Variants in FPR3 observed in about 807,000 individuals in gnomAD.
FPR3 encodes formyl peptide receptor 3.
For synonymous variants in FPR3, 135 were observed against 163.6 expected (o/e 0.83, Z 1.34); for missense variants, 346 against 443.2 (o/e 0.78, Z 1.97).
rs193291782 is a variant in FPR3 at position 51,813,824 on chromosome 19, G to A, written c.-10-9915G>A. Among the ~76,000 whole-genome samples, 225 of 152,216 alleles carry A rather than the reference G, an allele frequency of 1.5e-3. 1 individual carries two copies. Among genetic ancestry groups the A allele is most frequent in the Non-Finnish European group, 3.2e-4 (22 of 68,006 alleles). On this transcript the variant is annotated intron_variant, in intron 1 of 1. Coordinates refer to ENST00000339223, the MANE Select transcript of FPR3 (RefSeq NM_002030.5). ...GCTGGGATTACAGGCATAAGCCACC[G>A]CAGCTGGCCGATGTTTTCCTCCTTT...
At position 51,795,290 on chromosome 19, in the gene FPR3, G is replaced by A. The variant is rs2083989332; in HGVS notation, c.-52G>A. ...TACTTAGAGCCTGAGTTGCTCCACA[G>A]GAATCCAGGAACTGGGCACAGGAAA... On this transcript the variant is annotated 5_prime_UTR_variant, in exon 1 of 2. Transcript: ENST00000339223. 6.6e-6 allele frequency: 1 copy of A among 152,060 alleles called. No homozygotes were observed. Among genetic ancestry groups the A allele is most frequent in the African/African-American group, 2.4e-5 (1 of 41,402 alleles). The allele number at this position is 152,060 out of a possible 1,614,324, so 9.4% of individuals were successfully genotyped here. A position where few individuals can be genotyped will look rare whatever the true frequency, so the allele number is the denominator to read the frequency against.
At position 51,824,815 on chromosome 19, in the gene FPR3, G is replaced by T. The variant is rs201810419; in HGVS notation, c.*5G>T. The T allele has an allele frequency of 6.3e-7, 1 of 1,597,768 alleles. No homozygotes were observed. Among genetic ancestry groups the T allele is most frequent in the Non-Finnish European group, 8.5e-7 (1 of 1,171,072 alleles). On this transcript the variant is annotated 3_prime_UTR_variant, in exon 2 of 2. Coordinates refer to ENST00000339223, the MANE Select transcript of FPR3 (RefSeq NM_002030.5). This position sits in a 1 kb window ranked among gnomAD's most constrained non-coding sequence, Gnocchi z 4.7. ...ACGGAGTTACAAGCAATGTGAGGTC[G>T]GGGATATTTTTGGGCTCTGTCTCTT... is the stretch of plus-strand genomic sequence containing the variant.
chr19:51,809,229 C>T (rs958945239), intron 1 of FPR3, among the ~76,000 whole-genome samples: 1 of 152,192 alleles, frequency 6.6e-6, no homozygotes, highest in African/African-American at 2.4e-5. Context: ...CTGAAAAGTA[C>T]ATGACTGTCC....
intron 1 of FPR3, among the ~76,000 whole-genome samples, chr19:51,800,836 C>T (rs1463046753): frequency 6.6e-6 from 1 of 151,878 alleles, no homozygotes; most frequent in Non-Finnish European, 1.5e-5. Flanking sequence ...AGTAAACATC[C>T]AGAGAGTGAG....
chr19:51,808,151 G>A lies in FPR3; in HGVS notation c.-11+12820G>A, dbSNP rs111300199. On this transcript the variant is annotated intron_variant, in intron 1 of 1. Coordinates refer to ENST00000339223, the MANE Select transcript of FPR3 (RefSeq NM_002030.5). ...GCTGCAGGGAATTTAAAGAATCTCC[G>A]TGCAGGGTTTGGTAAATATGTGTAA... Among the ~76,000 whole-genome samples, 645 of 152,276 alleles carry A rather than the reference G, an allele frequency of 4.2e-3. 6 individuals are homozygous for A. The highest frequency in any genetic ancestry group is 0.014 in the African/African-American group (594 of 41,554).
intron 1 of FPR3, among the ~76,000 whole-genome samples, chr19:51,813,666 G>A (rs2084114164): frequency 6.6e-6 from 1 of 152,030 alleles, no homozygotes; most frequent in South Asian, 2.1e-4. Context: ...GAATATCTGG[G>A]ACTAGAGGTG....
chr19:51,823,191 A>C (rs2084203599), intron 1 of FPR3, among the ~76,000 whole-genome samples: 2 of 152,160 alleles, frequency 1.3e-5, no homozygotes, highest in Admixed American at 1.3e-4. Flanking sequence ...TCTATATATT[A>C]CAAGTAATGG....
chr19:51,823,792 T>A lies in FPR3; in HGVS notation c.44T>A (p.Val15Glu). ...ATTCCTCTGAATGAAACTGAGGAGG[T>A]GCTCCCTGAGCCTGCTGGCCACACC... ...FSIPLNETEE[V>E]LPEPAGHTVL... The change falls in exon 2 of 2, where the codon GTG becomes GAG. Residue 15 changes from valine (V) to glutamate (E), a missense_variant. Val to Glu is a moderately radical substitution (Grantham distance 121, BLOSUM62 -2). Transcript: ENST00000339223. 6.2e-7 allele frequency: 1 copy of A among 1,610,566 alleles called. No homozygotes were observed. The highest frequency in any genetic ancestry group is 2.2e-5 in the East Asian group (1 of 44,846).
intron 1 of FPR3, among the ~76,000 whole-genome samples, chr19:51,822,944 C>G (rs113174648): frequency 0.11 from 16,107 of 152,110 alleles, 1,181 homozygotes; most frequent in Middle Eastern, 0.17. Flanking sequence ...CTCACTGCAA[C>G]CTCTGCCTCC....
At chr19:51,803,855 T>C (rs1477363878) in intron 1 of FPR3, 1 of 152,196 alleles carries the variant, frequency 6.6e-6, no homozygotes, top group East Asian at 1.9e-4. Context: ...CTCCCTTTTT[T>C]CTTTTCCTCA....
At chr19:51,815,104 A>G (rs1383159887) in intron 1 of FPR3, among the ~76,000 whole-genome samples, 1 of 151,902 alleles carries the variant, frequency 6.6e-6, no homozygotes, top group Non-Finnish European at 1.5e-5. Flanking sequence ...GCCACCTTTT[A>G]TCACATCTCA....
intron 1 of FPR3, among the ~76,000 whole-genome samples, chr19:51,806,222 T>C (rs1021355681): frequency 8.5e-5 from 13 of 152,178 alleles, no homozygotes; most frequent in African/African-American, 3.1e-4. Flanking sequence ...GGGCCCATGG[T>C]TGGCCACCCC....
chr19:51,824,440 A>G lies in FPR3; in HGVS notation c.692A>G (p.Asn231Ser). Residue 231 changes from asparagine (N) to serine (S), a missense_variant, in exon 2 of 2, where the codon AAC becomes AGC. Asn to Ser is a conservative substitution (Grantham distance 46). Coordinates refer to ENST00000339223, the MANE Select transcript of FPR3 (RefSeq NM_002030.5). The surrounding 1 kb of genome is among the most constrained non-coding windows in gnomAD (Gnocchi z 4.7). ...YGIIAAKIHRNHMIKSSRPLR... is the reference protein window; with the variant it reads ...YGIIAAKIHRSHMIKSSRPLR... ...ATCATCGCTGCCAAAATTCACAGAAACCACATGATTAAATCCAGCCGTCCC... is the reference window on the plus strand; with the variant it reads ...ATCATCGCTGCCAAAATTCACAGAAGCCACATGATTAAATCCAGCCGTCCC... 6.2e-7 allele frequency: 1 copy of G among 1,614,044 alleles called. No homozygotes were observed. The highest frequency in any genetic ancestry group is 8.5e-7 in the Non-Finnish European group (1 of 1,179,982).
At chr19:51,798,037 G>GA (rs1332011511) in intron 1 of FPR3, among the ~76,000 whole-genome samples, 2 of 151,710 alleles carry the variant, frequency 1.3e-5, no homozygotes, top group East Asian at 3.9e-4. Context: ...ATCCTCCCCT[G>GA]AAAATCAGTC....
At chr19:51,802,916 G>C (rs1259723110) in intron 1 of FPR3, among the ~76,000 whole-genome samples, 1 of 151,826 alleles carries the variant, frequency 6.6e-6, no homozygotes, top group African/African-American at 2.4e-5. Flanking sequence ...ACTTCATATG[G>C]TTCCTTTCAT....
chr19:51,801,578 C>T (rs1198662145), intron 1 of FPR3, among the ~76,000 whole-genome samples: 5 of 152,148 alleles, frequency 3.3e-5, no homozygotes, highest in African/African-American at 4.8e-5. Flanking sequence ...GTCAAGAGTT[C>T]GAGATCAGCC....
At chr19:51,808,105 C>T (rs950288475) in intron 1 of FPR3, among the ~76,000 whole-genome samples, 2 of 152,210 alleles carry the variant, frequency 1.3e-5, no homozygotes. Context: ...TGTAATTTGG[C>T]TTCTGCCTCT....
Position 51,823,927 on chromosome 19 carries a change from A to T in FPR3, c.179A>T (p.Asn60Ile). ...VAGFRMTRTV[N>I]TICYLNLALA... ...GGATTCCGGATGACACGCACAGTCA[A>T]CACCATCTGTTACCTGAACCTGGCC... Residue 60 changes from asparagine (N) to isoleucine (I), a missense_variant, in exon 2 of 2, where the codon AAC becomes ATC. Physicochemically the swap from Asn to Ile is moderately radical, Grantham distance 149 (BLOSUM62 -3). Coordinates refer to ENST00000339223, the MANE Select transcript of FPR3 (RefSeq NM_002030.5). 6.2e-7 allele frequency: 1 copy of T among 1,614,032 alleles called. No individual in the cohort carries two copies. The highest frequency in any genetic ancestry group is 8.5e-7 in the Non-Finnish European group (1 of 1,179,982).
At chr19:51,818,036 A>G (rs946070836) in intron 1 of FPR3, among the ~76,000 whole-genome samples, 1 of 150,570 alleles carries the variant, frequency 6.6e-6, no homozygotes, top group African/African-American at 2.4e-5. Flanking sequence ...AAGTTTTAGG[A>G]AATGATGAGT....
Sources: allele counts gnomAD v4.1 joint callset (sites outside exome capture counted in the v4.1 genomes callset), GRCh38; gene constraint gnomAD v4.1.1; non-coding constraint Gnocchi (gnomAD v3.1); transcripts MANE v1.5; gene names NCBI Gene and HGNC (gene_info 2026-07-23, HGNC 2026-07-21).